Variants in ALDH1A3 observed in about 807,000 individuals in gnomAD.
ALDH1A3 encodes aldehyde dehydrogenase 1 family member A3.
Under a neutral mutation model 57.5 loss-of-function variants are expected in ALDH1A3, and 28 were observed. The observed-to-expected ratio is 0.49, with a 90% confidence interval of 0.36 to 0.67. ALDH1A3 has a LOEUF of 0.67. Among genes scored for constraint, ALDH1A3 ranks in the 30% least tolerant of loss-of-function variants. ALDH1A3 has a pLI of 0.00. For missense variants in ALDH1A3, 507 were observed against 669.4 expected, an observed-to-expected ratio of 0.76 and a Z score of 2.68; for synonymous variants, 281 against 264.8, an observed-to-expected ratio of 1.06 and a Z score of -0.59.
rs780219526 is a variant in ALDH1A3, at chr15:100,905,488, G to A, written c.1069-35G>A. The A allele has an allele frequency of 5.5e-5, 89 of 1,613,918 alleles. No homozygotes were observed. In the Admixed American group the frequency reaches 6.3e-4, roughly 11 times the overall value. Reference sequence around the variant, plus strand: ...TGAGATGGCAGCCACTGCCCAGAAGGAAGCCAGGCTGTACTTCTTGTTTGT... The same window carrying A: ...TGAGATGGCAGCCACTGCCCAGAAGAAAGCCAGGCTGTACTTCTTGTTTGT... On this transcript the variant is annotated intron_variant, in intron 9 of 12. Transcript: ENST00000329841.
Position 100,916,482 on chromosome 15 carries a change from AT to A in ALDH1A3, c.*1710del, listed in dbSNP as rs1261174391. 6.6e-6 allele frequency: 1 copy of A among 152,488 alleles called. No homozygotes were observed. The highest frequency in any genetic ancestry group is 1.5e-5 in the Non-Finnish European group (1 of 68,048). 9.4% of individuals were successfully genotyped at this position (152,488 alleles called of 1,614,324 possible). On this transcript the variant is annotated 3_prime_UTR_variant, in exon 13 of 13. Coordinates refer to ENST00000329841, the MANE Select transcript of ALDH1A3 (RefSeq NM_000693.4). ...TAATATACTGTATTTAGAAATGGAAATATATATAGTGTTAGGTTTCACTTCT... is the reference window on the plus strand; with the variant it reads ...TAATATACTGTATTTAGAAATGGAAAATATATAGTGTTAGGTTTCACTTCT...
At position 100,908,574 on chromosome 15, in the gene ALDH1A3, C is replaced by A. The variant is rs956284954; in HGVS notation, c.1466+92C>A. The A allele has an allele frequency of 2.3e-5, 27 of 1,164,606 alleles. No individual in the cohort carries two copies. The South Asian group carries it at 2.4e-4, about 11-fold the overall frequency. The allele number at this position is 1,164,606 out of a possible 1,614,324, so 72.1% of individuals were successfully genotyped here. A position where few individuals can be genotyped will look rare whatever the true frequency, so the allele number is the denominator to read the frequency against. On this transcript the variant is annotated intron_variant, in intron 12 of 12. Transcript: ENST00000329841. ...TGACACAGGCTCCAATCTGCTGACACCCCGTCCCCCCCACACCGCCGCTCT... is the reference window on the plus strand; with the variant it reads ...TGACACAGGCTCCAATCTGCTGACAACCCGTCCCCCCCACACCGCCGCTCT...
At position 100,907,273 on chromosome 15, in the gene ALDH1A3, G is replaced by A. The variant is rs140128387; in HGVS notation, c.1386G>A (p.Thr462=). The A allele has an allele frequency of 4.5e-4, 721 of 1,613,424 alleles. No individual in the cohort carries two copies. The highest frequency in any genetic ancestry group is 2.6e-3 in the Middle Eastern group (16 of 6,060). Reference sequence around the variant, plus strand: ...TGGCTTCTGCCTTAGAGTCTGGAACGGTCTGGTGAGTTGACTGTGTGTGTA... The same window carrying A: ...TGGCTTCTGCCTTAGAGTCTGGAACAGTCTGGTGAGTTGACTGTGTGTGTA... ...LKLASALESG[T]VWINCYNALY... Residue 462 remains threonine (T), a synonymous_variant, in exon 11 of 13, where the codon ACG becomes ACA. Coordinates refer to ENST00000329841, the MANE Select transcript of ALDH1A3 (RefSeq NM_000693.4).
chr15:100,884,374 GTCTTTTGTCAA>G (rs2141546474), intron 1 of ALDH1A3, among the ~76,000 whole-genome samples: 1 of 152,290 alleles, frequency 6.6e-6, no homozygotes, highest in African/African-American at 2.4e-5. Context: ...TGCTCATGAT[GTCTTTTGTCAA>G]AAAAACTTTC....
intron 12 of ALDH1A3, chr15:100,914,092 C>T (rs2041908031): frequency 6.6e-6 from 1 of 152,526 alleles, no homozygotes; most frequent in Non-Finnish European, 1.5e-5. Flanking sequence ...GCTGTGGCCT[C>T]CCCATGTCCA....
chr15:100,905,512 G>A lies in ALDH1A3; in HGVS notation c.1069-11G>A. The A allele has an allele frequency of 6.2e-7, 1 of 1,614,156 alleles. No homozygotes were observed. Among genetic ancestry groups the A allele is most frequent in the South Asian group, 1.1e-5 (1 of 91,090 alleles). ...GGAAGCCAGGCTGTACTTCTTGTTTGTGTCTTGCAGATTGATCAAAAGCAG... is the reference window on the plus strand; with the variant it reads ...GGAAGCCAGGCTGTACTTCTTGTTTATGTCTTGCAGATTGATCAAAAGCAG... On this transcript the variant is annotated splice_polypyrimidine_tract_variant and intron_variant, in intron 9 of 12. Transcript: ENST00000329841.
At chr15:100,900,977 G>C (rs1483085105) in intron 9 of ALDH1A3, among the ~76,000 whole-genome samples, 5 of 152,196 alleles carry the variant, frequency 3.3e-5, no homozygotes, top group African/African-American at 1.2e-4. Context: ...TGGGAGGAGG[G>C]CGCTATTCCC....
chr15:100,914,584 T>G, intron 12 of ALDH1A3, 117 bp from the exon 13 acceptor site: 1 of 906,256 alleles, frequency 1.1e-6, no homozygotes, highest in South Asian at 1.7e-5. Context: ...TCGTCACATT[T>G]TAACCTTTTG....
chr15:100,905,470 G>A, intron 9 of ALDH1A3, 53 bp from the exon 10 acceptor site: 1 of 1,610,488 alleles, frequency 6.2e-7, no homozygotes, highest in Non-Finnish European at 8.5e-7. Context: ...ACATGAGATG[G>A]CAGCCACTGC....
chr15:100,910,778 C>T (rs1313491775), intron 12 of ALDH1A3, among the ~76,000 whole-genome samples: 1 of 152,228 alleles, frequency 6.6e-6, no homozygotes, highest in Non-Finnish European at 1.5e-5. Context: ...CCAGACCCCA[C>T]ACAGTCCTCC....
chr15:100,905,848 C>T (rs2041817220), intron 10 of ALDH1A3, among the ~76,000 whole-genome samples, 161 bp downstream of exon 10: 1 of 151,998 alleles, frequency 6.6e-6, no homozygotes, highest in African/African-American at 2.4e-5. Context: ...TTTCCCCTCT[C>T]CTTTGGGGTC....
At chr15:100,880,107 C>G in intron 1 of ALDH1A3, 101 bp downstream of exon 1, 2 of 848,654 alleles carry the variant, frequency 2.4e-6, no homozygotes, top group Non-Finnish European at 3.1e-6. Flanking sequence ...GGGGGTCCGC[C>G]GGGCGCCGCC....
At chr15:100,898,331 A>G in intron 8 of ALDH1A3, 146 bp downstream of exon 8, 2 of 637,992 alleles carry the variant, frequency 3.1e-6, no homozygotes, top group Non-Finnish European at 5.2e-6. Flanking sequence ...TCCTGCCCAC[A>G]GTCAGCCAGC....
chr15:100,900,911 A>C, intron 9 of ALDH1A3, 152 bp downstream of exon 9: 3 of 874,108 alleles, frequency 3.4e-6, no homozygotes, highest in Non-Finnish European at 5.1e-6. Context: ...CTGATCAGAA[A>C]CACAATCCTG....
chr15:100,884,429 C>T (rs2041573999), intron 1 of ALDH1A3, among the ~76,000 whole-genome samples: 1 of 152,158 alleles, frequency 6.6e-6, no homozygotes. Context: ...TTGAGGTTCC[C>T]AGAAAAGTGA....
At position 100,905,697 on chromosome 15, in the gene ALDH1A3, G is replaced by A. The variant is rs368254577; in HGVS notation, c.1233+10G>A. ...GATTGCCAAAGAGGAGGTACAAGGG[G>A]GCTGTGGCAAGGCTACGACTTGCGG... On this transcript the variant is annotated intron_variant, in intron 10 of 12. Coordinates refer to ENST00000329841, the MANE Select transcript of ALDH1A3 (RefSeq NM_000693.4). The A allele has an allele frequency of 4.5e-6, 7 of 1,541,036 alleles. No individual in the cohort carries two copies. The highest frequency in any genetic ancestry group is 6.1e-6 in the Non-Finnish European group (7 of 1,143,988).
In ALDH1A3 at chr15:100,879,854, C is replaced by G. The variant is rs962171073; in HGVS notation, c.-54C>G. 37 of 1,276,318 alleles carry G rather than the reference C, an allele frequency of 2.9e-5. No individual in the cohort carries two copies. The highest frequency in any genetic ancestry group is 1.2e-4 in the Admixed American group (3 of 25,622). The allele number at this position is 1,276,318 out of a possible 1,614,324, so 79.1% of individuals were successfully genotyped here. On this transcript the variant is annotated 5_prime_UTR_variant, in exon 1 of 13. Transcript: ENST00000329841. ...GGAGCGGGCTGCGCAGTGTCCGGGCCGAGCCGGTGCGCCGCAGACTAGGGC... is the reference window on the plus strand; with the variant it reads ...GGAGCGGGCTGCGCAGTGTCCGGGCGGAGCCGGTGCGCCGCAGACTAGGGC...
At chr15:100,912,416 G>A (rs1396523675) in intron 12 of ALDH1A3, among the ~76,000 whole-genome samples, 2 of 152,014 alleles carry the variant, frequency 1.3e-5, no homozygotes, top group Non-Finnish European at 1.5e-5. Flanking sequence ...GTTTGCAAGA[G>A]CTCTTTGTAT....
intron 8 of ALDH1A3, among the ~76,000 whole-genome samples, chr15:100,898,795 C>T (rs776632402): frequency 1.2e-4 from 18 of 152,162 alleles, no homozygotes; most frequent in Admixed American, 5.2e-4. Flanking sequence ...GACAGCCAAA[C>T]GACACAGCGT....
Sources: gnomAD v4.1 joint callset for allele counts (sites outside exome capture counted in the v4.1 genomes callset) on GRCh38, gnomAD v4.1.1 for gene constraint, MANE v1.5 for transcripts, NCBI Gene and HGNC (gene_info 2026-07-23, HGNC 2026-07-21) for gene names.